Variants in OTOGL observed in about 807,000 individuals in gnomAD.
OTOGL encodes otogelin-like protein.
OTOGL carries 285 observed loss-of-function variants against 318.5 expected under a neutral mutation model. The observed-to-expected ratio is 0.89, with a 90% CI of 0.81 to 0.99. The LOEUF is 0.99. Among genes scored for constraint, OTOGL ranks in the 50% least tolerant of loss-of-function variants. OTOGL has a pLI of 0.00. For missense variants in OTOGL, 2,899 were observed against 2,845.6 expected, an observed-to-expected ratio of 1.02 and a Z score of -0.43; for synonymous variants, 987 against 936.5, an observed-to-expected ratio of 1.05 and a Z score of -0.99.
chr12:80,367,553 G>C lies in OTOGL; in HGVS notation c.6332-8G>C. 6.7e-7 allele frequency: 1 copy of C among 1,488,276 alleles called. No homozygotes were observed. Among genetic ancestry groups the C allele is most frequent in the South Asian group, 1.3e-5 (1 of 79,634 alleles). The allele number at this position is 1,488,276 out of a possible 1,614,324, so 92.2% of individuals were successfully genotyped here. A position where few individuals can be genotyped will look rare whatever the true frequency, so the allele number is the denominator to read the frequency against. Reference sequence around the variant, plus strand: ...TATTTTCTTATTGACTATGTTTTCTGTTCTTAGAAAAGGATGATGTGTGTG... The same window carrying C: ...TATTTTCTTATTGACTATGTTTTCTCTTCTTAGAAAAGGATGATGTGTGTG... On this transcript the variant is annotated splice_region_variant and splice_polypyrimidine_tract_variant and intron_variant, in intron 53 of 58. Coordinates refer to ENST00000547103, the MANE Select transcript of OTOGL (RefSeq NM_001378609.3).
intron 45 of OTOGL, 106 bp downstream of exon 45, chr12:80,352,542 T>C (rs1889618226): frequency 1.0e-6 from 1 of 960,702 alleles, no homozygotes; most frequent in African/African-American, 1.7e-5. Context: ...TTAGTAAGCA[T>C]AAAATGCACA....
chr12:80,174,083 T>A (rs1874377294), intron 1 of OTOGL, among the ~76,000 whole-genome samples: 2 of 152,144 alleles, frequency 1.3e-5, no homozygotes, highest in Non-Finnish European at 2.9e-5. Context: ...GTAAACAAAT[T>A]AGAAGGCTTT....
intron 13 of OTOGL, 130 bp downstream of exon 13, chr12:80,252,331 A>T: frequency 2.8e-6 from 3 of 1,079,228 alleles, no homozygotes; most frequent in South Asian, 5.6e-5. Context: ...TTCTTGTAGA[A>T]GTTGGTCCTT....
intron 46 of OTOGL, among the ~76,000 whole-genome samples, chr12:80,354,042 C>A (rs1051311381): frequency 6.6e-6 from 1 of 152,144 alleles, no homozygotes; most frequent in African/African-American, 2.4e-5. Context: ...GAGGTTCGAT[C>A]CTCCGTGTGG....
At chr12:80,159,233 C>T (rs1426483735) in intron 1 of OTOGL, among the ~76,000 whole-genome samples, 2 of 151,914 alleles carry the variant, frequency 1.3e-5, no homozygotes, top group Non-Finnish European at 2.9e-5. Flanking sequence ...ATTCAGTTAG[C>T]CTAGTATTTT....
chr12:80,313,626 G>A lies in OTOGL; in HGVS notation c.3601G>A (p.Val1201Ile), dbSNP rs1191488999. 2 of 1,609,792 alleles carry A rather than the reference G, an allele frequency of 1.2e-6. No individual in the cohort carries two copies. Among genetic ancestry groups the A allele is most frequent in the Non-Finnish European group, 8.5e-7 (1 of 1,177,330 alleles). Residue 1201 changes from valine to isoleucine, a missense_variant, in exon 31 of 59, where the codon GTT becomes ATT. Physicochemically the swap from Val to Ile is conservative, Grantham distance 29. Coordinates refer to ENST00000547103, the MANE Select transcript of OTOGL (RefSeq NM_001378609.3). ...GISIHWRSST[V>I]CSLDCEYYNE... ...ATCAATTCATTGGAGATCATCTACTGTTTGTTGTAAGTACCCTACTTAGAA... is the reference window on the plus strand; with the variant it reads ...ATCAATTCATTGGAGATCATCTACTATTTGTTGTAAGTACCCTACTTAGAA...
chr12:80,264,159 G>C (rs1882768120), intron 19 of OTOGL, among the ~76,000 whole-genome samples: 1 of 152,054 alleles, frequency 6.6e-6, no homozygotes, highest in South Asian at 2.1e-4. Context: ...TTATCTGTTA[G>C]GAAACCAAGG....
intron 42 of OTOGL, among the ~76,000 whole-genome samples, chr12:80,337,247 C>T (rs946733594): frequency 1.3e-5 from 2 of 151,824 alleles, no homozygotes; most frequent in Non-Finnish European, 2.9e-5. Context: ...AATACACTAG[C>T]GACCTCTGAG....
intron 12 of OTOGL, 72 bp from the exon 13 acceptor site, chr12:80,252,003 AT>A: frequency 7.2e-7 from 1 of 1,389,638 alleles, no homozygotes; most frequent in East Asian, 2.6e-5. Flanking sequence ...TTTGTAAAAA[AT>A]AAAATTATAA....
chr12:80,253,368 C>T (rs749759903), intron 13 of OTOGL, 98 bp from the exon 14 acceptor site: 43 of 1,049,812 alleles, frequency 4.1e-5, no homozygotes, highest in Non-Finnish European at 5.7e-5. Flanking sequence ...CAGCATCATG[C>T]GTAGGTATTC....
At chr12:80,341,747 CAGTT>C (rs1014287891) in intron 43 of OTOGL, among the ~76,000 whole-genome samples, 197 bp from the exon 44 acceptor site, 1 of 152,134 alleles carries the variant, frequency 6.6e-6, no homozygotes, top group African/African-American at 2.4e-5. Flanking sequence ...TGGGTTAAGG[CAGTT>C]AGTTCTACAC....
At position 80,123,082 on chromosome 12, in the gene OTOGL, G is replaced by A. The variant is rs1227357780; in HGVS notation, c.-20+23477G>A. 2.7e-5 allele frequency among the ~76,000 whole-genome samples: 4 copies of A among 150,894 alleles called. No homozygotes were observed. The East Asian group carries it at 5.9e-4, about 22-fold the overall frequency. ...AAGTTTTAGGGTACATGTGCACAAC[G>A]TGCAGATTTGTTACATATGTATACA... On this transcript the variant is annotated intron_variant, in intron 1 of 58. Coordinates refer to ENST00000547103, the MANE Select transcript of OTOGL (RefSeq NM_001378609.3).
At chr12:80,314,260 A>G (rs1199733038) in intron 31 of OTOGL, 45 bp from the exon 32 acceptor site, 2 of 716,968 alleles carry the variant, frequency 2.8e-6, no homozygotes, top group Admixed American at 4.7e-5. Flanking sequence ...CAGATAAGTG[A>G]TTGACTTCTT....
chr12:80,291,516 C>A (rs1158970607), intron 26 of OTOGL, among the ~76,000 whole-genome samples: 2 of 152,278 alleles, frequency 1.3e-5, no homozygotes, highest in Non-Finnish European at 2.9e-5. Flanking sequence ...TAATTTCTCT[C>A]TTCTTGAGGT....
intron 44 of OTOGL, 113 bp downstream of exon 44, chr12:80,342,275 C>A (rs1888830409): frequency 2.6e-6 from 2 of 762,850 alleles, no homozygotes; most frequent in Non-Finnish European, 4.1e-6. Flanking sequence ...AAACCCCCAA[C>A]CTTCTGTCAG....
intron 14 of OTOGL, 66 bp from the exon 15 acceptor site, chr12:80,254,458 C>T (rs1006062832): frequency 3.8e-6 from 5 of 1,323,584 alleles, no homozygotes; most frequent in Non-Finnish European, 5.3e-6. Context: ...TTAATCAATA[C>T]ATTGATGCAA....
intron 26 of OTOGL, among the ~76,000 whole-genome samples, chr12:80,291,493 A>G (rs1210526068): frequency 1.3e-5 from 2 of 152,192 alleles, no homozygotes; most frequent in South Asian, 2.1e-4. Flanking sequence ...GCAAATACCT[A>G]TATGAATTGG....
intron 26 of OTOGL, among the ~76,000 whole-genome samples, chr12:80,290,169 G>A (rs774222080): frequency 2.6e-5 from 4 of 152,104 alleles, no homozygotes; most frequent in Non-Finnish European, 2.9e-5. Flanking sequence ...CTTGCACTTC[G>A]TGGGTGAGGT....
At chr12:80,204,085 A>G (rs969708401) in intron 1 of OTOGL, among the ~76,000 whole-genome samples, 13 of 152,186 alleles carry the variant, frequency 8.5e-5, no homozygotes, top group African/African-American at 3.1e-4. Flanking sequence ...GTAAGACTCT[A>G]ATTCACGCTG....
Sources: gnomAD v4.1 joint callset for allele counts (sites outside exome capture counted in the v4.1 genomes callset) on GRCh38, gnomAD v4.1.1 for gene constraint, MANE v1.5 for transcripts, NCBI Gene and HGNC (gene_info 2026-07-23, HGNC 2026-07-21) for gene names.